Variants in PDHX observed in about 807,000 individuals in gnomAD.
PDHX encodes the protein pyruvate dehydrogenase protein X component, mitochondrial.
PDHX carries 33 observed loss-of-function variants against 55.3 expected under a neutral mutation model. That is an observed-to-expected ratio of 0.60 (90% confidence interval 0.45 to 0.80). The LOEUF (loss-of-function observed/expected upper bound fraction) is 0.80, where lower values mean the gene tolerates loss of function less well. Among genes scored for constraint, PDHX ranks in the 30% least tolerant of loss-of-function variants. PDHX has a pLI of 0.00. For synonymous variants in PDHX, 226 were observed against 219.4 expected (o/e 1.03, Z -0.27); for missense variants, 622 against 619.9 (o/e 1.00, Z -0.04).
intron 5 of PDHX, among the ~76,000 whole-genome samples, chr11:34,961,650 TG>T (rs1281534787): frequency 1.3e-5 from 2 of 152,238 alleles, no homozygotes; most frequent in African/African-American, 4.8e-5. Flanking sequence ...GGCTTACTGT[TG>T]GGTGTTTATT....
At chr11:34,916,428 G>A (rs1853700845), upstream of PDHX, 2 of 1,490,594 alleles carry the variant, frequency 1.3e-6, no homozygotes, top group African/African-American at 2.8e-5. Context: ...GGCGGGGGCC[G>A]GGGTCTGGTA....
chr11:34,929,655 A>G (rs1259863555), intron 1 of PDHX, among the ~76,000 whole-genome samples: 1 of 152,234 alleles, frequency 6.6e-6, no homozygotes, highest in Non-Finnish European at 1.5e-5. Context: ...TTGATGATCC[A>G]TATTTGTAAG....
chr11:34,954,746 A>G (rs1854865923), intron 3 of PDHX, among the ~76,000 whole-genome samples: 1 of 150,724 alleles, frequency 6.6e-6, no homozygotes, highest in Non-Finnish European at 1.5e-5. Context: ...TTAACAATGA[A>G]AATGAAAACA....
intron 1 of PDHX, among the ~76,000 whole-genome samples, chr11:34,924,593 A>G (rs901325458): frequency 3.3e-5 from 5 of 152,202 alleles, no homozygotes; most frequent in East Asian, 3.8e-4. Context: ...GATAGAATAA[A>G]TAACTTGTAG....
intron 9 of PDHX, among the ~76,000 whole-genome samples, chr11:34,992,101 G>A (rs1409924814): frequency 6.6e-6 from 1 of 152,002 alleles, no homozygotes; most frequent in Non-Finnish European, 1.5e-5. Context: ...TAAAGGAAGT[G>A]ATTTTTCTAG....
chr11:34,971,051 C>T (rs1855247614), intron 7 of PDHX, among the ~76,000 whole-genome samples: 1 of 151,978 alleles, frequency 6.6e-6, no homozygotes, highest in Non-Finnish European at 1.5e-5. Context: ...TTAAACAAAG[C>T]AGTCAATATT....
intron 4 of PDHX, among the ~76,000 whole-genome samples, chr11:34,959,138 A>G (rs1354589164): frequency 6.6e-6 from 1 of 152,032 alleles, no homozygotes. Context: ...TACTTTGCAT[A>G]CAAGAGATAT....
intron 2 of PDHX, among the ~76,000 whole-genome samples, chr11:34,936,617 G>T (rs1854315910): frequency 6.6e-6 from 1 of 151,982 alleles, no homozygotes; most frequent in South Asian, 2.1e-4. Flanking sequence ...TGCAACAGCA[G>T]GTAGGTCTGG....
At chr11:34,916,056 C>G, upstream of PDHX, 1 of 848,892 alleles carries the variant, frequency 1.2e-6, no homozygotes, top group Non-Finnish European at 1.8e-6. Flanking sequence ...GGCCTCGCAG[C>G]CTTGCTTCCG....
intron 2 of PDHX, among the ~76,000 whole-genome samples, chr11:34,935,869 G>A (rs904285750): frequency 6.6e-6 from 1 of 152,168 alleles, no homozygotes; most frequent in South Asian, 2.1e-4. Flanking sequence ...GACTTCCAGG[G>A]TATCCTAATG....
At chr11:34,993,071 A>G (rs1353319442) in intron 10 of PDHX, among the ~76,000 whole-genome samples, 1 of 152,140 alleles carries the variant, frequency 6.6e-6, no homozygotes, top group Non-Finnish European at 1.5e-5. Context: ...GAAAATGCAA[A>G]TTAGTGATGT....
chr11:34,916,758 T>A lies in PDHX; in HGVS notation c.103T>A (p.Trp35Arg), dbSNP rs746715011. 6 of 1,611,564 alleles carry A rather than the reference T, an allele frequency of 3.7e-6. No homozygotes were observed. The South Asian group carries it at 6.6e-5, about 18-fold the overall frequency. The change falls in exon 1 of 11, where the codon TGG becomes AGG. Residue 35 changes from tryptophan to arginine, a missense_variant. Coordinates refer to ENST00000227868, the MANE Select transcript of PDHX (RefSeq NM_003477.3). The part of the protein sequence containing the change: ...SVGLVKGALG[W>R]SVSRGANWRW... ...AGGGCTGGTGAAGGGGGCTCTTGGG[T>A]GGTCTGTAAGCCGCGGAGCTAATTG...
At chr11:34,991,413 A>G (rs1855754909) in intron 9 of PDHX, among the ~76,000 whole-genome samples, 1 of 152,238 alleles carries the variant, frequency 6.6e-6, no homozygotes, top group East Asian at 1.9e-4. Flanking sequence ...AGGAACAAAC[A>G]TTAAAAAATC....
At chr11:34,952,784 A>G (rs2133968396) in intron 3 of PDHX, among the ~76,000 whole-genome samples, 1 of 149,092 alleles carries the variant, frequency 6.7e-6, no homozygotes, top group Admixed American at 6.6e-5. Flanking sequence ...CGGGCACAAG[A>G]CAGGGATGCC....
intron 2 of PDHX, among the ~76,000 whole-genome samples, chr11:34,946,175 C>A (rs1281892922): frequency 6.6e-6 from 1 of 152,084 alleles, no homozygotes; most frequent in East Asian, 1.9e-4. Flanking sequence ...CTAATTCATA[C>A]CTTCACTATT....
intron 1 of PDHX, among the ~76,000 whole-genome samples, chr11:34,925,122 T>C (rs1853988336): frequency 6.6e-6 from 1 of 152,252 alleles, no homozygotes; most frequent in South Asian, 2.1e-4. Flanking sequence ...TATCTCACGG[T>C]ATGTAATAGC....
intron 1 of PDHX, among the ~76,000 whole-genome samples, chr11:34,926,146 A>G (rs10488802): frequency 0.22 from 33,536 of 152,202 alleles, 4,897 homozygotes; most frequent in Non-Finnish European, 0.34. Context: ...AAGAAGACTT[A>G]TATGACAAAC....
intron 8 of PDHX, among the ~76,000 whole-genome samples, chr11:34,979,806 G>T (rs1381714064): frequency 6.6e-6 from 1 of 152,098 alleles, no homozygotes; most frequent in Non-Finnish European, 1.5e-5. Flanking sequence ...GTCATAAGTA[G>T]TGGTAATTTA....
chr11:34,995,390 G>T lies in PDHX; in HGVS notation c.*218G>T. 1 of 520,396 alleles carries T rather than the reference G, an allele frequency of 1.9e-6. No individual in the cohort carries two copies. The highest frequency in any genetic ancestry group is 3.6e-5 in the East Asian group (1 of 27,720). 32.2% of individuals were successfully genotyped at this position (520,396 alleles called of 1,614,324 possible). A position where few individuals can be genotyped will look rare whatever the true frequency, so the allele number is the denominator to read the frequency against. On this transcript the variant is annotated 3_prime_UTR_variant, in exon 11 of 11. Transcript: ENST00000227868. Reference sequence around the variant, plus strand: ...TAAACTCTAACTAATAAAGGAAAGAGAATATTTGGTTACTCAGATCCATTT... The same window carrying T: ...TAAACTCTAACTAATAAAGGAAAGATAATATTTGGTTACTCAGATCCATTT...
Sources: allele counts gnomAD v4.1 joint callset (sites outside exome capture counted in the v4.1 genomes callset), GRCh38; gene constraint gnomAD v4.1.1; transcripts MANE v1.5; gene names NCBI Gene and HGNC (gene_info 2026-07-23, HGNC 2026-07-21).